The following NELL1 variants were observed in gnomAD, a reference collection of about 807,000 sequenced individuals.
NELL1 encodes the protein neural EGFL like 1, also known as protein kinase C-binding protein NELL1.
In NELL1, 76 loss-of-function variants were observed where a neutral mutation model predicts 107.4. The ratio of observed to expected loss-of-function variants is 0.71; its 90% CI spans 0.59 to 0.86. The LOEUF is 0.86. NELL1 is among the 40% of genes least tolerant of loss of function. NELL1 has a pLI of 0.00. For synonymous variants in NELL1, 353 were observed against 341.2 expected (o/e 1.03, Z -0.38); for missense variants, 1,024 against 1,005.5 (o/e 1.02, Z -0.25).
intron 2 of NELL1, among the ~76,000 whole-genome samples, chr11:20,762,658 A>G (rs1423714505): frequency 1.3e-5 from 2 of 152,204 alleles, no homozygotes; most frequent in Non-Finnish European, 2.9e-5. Context: ...GGTGAATAAG[A>G]GCGTAATTAA....
At chr11:20,707,196 T>C (rs1854986912) in intron 2 of NELL1, among the ~76,000 whole-genome samples, 1 of 152,230 alleles carries the variant, frequency 6.6e-6, no homozygotes, top group Non-Finnish European at 1.5e-5. Flanking sequence ...TCTCCTGCCA[T>C]GGTGTTCAGC....
intron 14 of NELL1, among the ~76,000 whole-genome samples, chr11:21,290,346 GT>G (rs1185436735): frequency 5.1e-4 from 77 of 151,576 alleles, no homozygotes; most frequent in Admixed American, 5.1e-3. Flanking sequence ...TCCAGCCTGG[GT>G]GACAGAGCAA....
At chr11:20,719,622 C>T (rs528214496) in intron 2 of NELL1, among the ~76,000 whole-genome samples, 87 of 152,312 alleles carry the variant, frequency 5.7e-4, no homozygotes, top group African/African-American at 1.8e-3. Flanking sequence ...TATGGTTTCA[C>T]TTTCTTGGGG....
intron 4 of NELL1, among the ~76,000 whole-genome samples, chr11:20,858,411 T>A (rs1462691547): frequency 6.6e-6 from 1 of 152,172 alleles, no homozygotes; most frequent in Admixed American, 6.5e-5. Context: ...CAGGGCAATA[T>A]GGATGATGAT....
At chr11:21,184,879 A>G (rs1856899977) in intron 13 of NELL1, among the ~76,000 whole-genome samples, 1 of 151,850 alleles carries the variant, frequency 6.6e-6, no homozygotes, top group South Asian at 2.1e-4. Flanking sequence ...CCTTCTAAAT[A>G]TAATATTAAA....
intron 19 of NELL1, among the ~76,000 whole-genome samples, chr11:21,574,354 C>A (rs151117336): frequency 6.6e-6 from 1 of 151,658 alleles, no homozygotes; most frequent in Admixed American, 6.6e-5. Flanking sequence ...CCCATCTGTA[C>A]CTTCAGTCCC....
At chr11:21,035,114 G>A (rs915225826) in intron 12 of NELL1, among the ~76,000 whole-genome samples, 3 of 151,658 alleles carry the variant, frequency 2.0e-5, no homozygotes, top group African/African-American at 7.3e-5. Context: ...TATATAAACT[G>A]GAAAATGTAG....
rs1337097776 is a variant in NELL1 at position 21,097,326 on chromosome 11, C to A, written c.1301-16263C>A. On this transcript the variant is annotated intron_variant, in intron 12 of 19. Coordinates refer to ENST00000357134, the MANE Select transcript of NELL1 (RefSeq NM_006157.5). ...CCAGCACTCAGGCAAAAGTTTAATTCTCTCAGCAAGGCAATGTATTTCTGC... is the reference window on the plus strand; with the variant it reads ...CCAGCACTCAGGCAAAAGTTTAATTATCTCAGCAAGGCAATGTATTTCTGC... Among the ~76,000 whole-genome samples the A allele has an allele frequency of 3.9e-5, 6 of 152,306 alleles. No homozygotes were observed. In the South Asian group the frequency reaches 1.2e-3, roughly 32 times the overall value.
chr11:21,573,188 G>A lies in NELL1; in HGVS notation c.2161G>A (p.Gly721Arg), dbSNP rs779365727. 6 of 1,610,972 alleles carry A rather than the reference G, an allele frequency of 3.7e-6. No homozygotes were observed. The highest frequency in any genetic ancestry group is 3.4e-6 in the Non-Finnish European group (4 of 1,178,014). The change falls in exon 19 of 20, where the codon GGA (glycine) becomes AGA (arginine). Residue 721 changes from glycine (G) to arginine (R), a missense_variant. Physicochemically the swap from Gly to Arg is moderately radical, Grantham distance 125. Coordinates refer to ENST00000357134, the MANE Select transcript of NELL1 (RefSeq NM_006157.5). ...ATTTTTTGCTTTTCCTCTACAGGAA[G>A]GAGAGGTAGATTGCTGGCCACTCAC... ...HSCQQCRCLEGEVDCWPLTCP... is the reference protein window; with the variant it reads ...HSCQQCRCLEREVDCWPLTCP...
intron 15 of NELL1, among the ~76,000 whole-genome samples, chr11:21,507,873 C>T (rs939082809): frequency 9.2e-5 from 14 of 151,624 alleles, no homozygotes; most frequent in South Asian, 6.2e-4. Context: ...CTCTACCTGC[C>T]GGGTTCCAGC....
chr11:21,332,619 C>T (rs1214518979), intron 14 of NELL1, among the ~76,000 whole-genome samples: 1 of 151,880 alleles, frequency 6.6e-6, no homozygotes, highest in Non-Finnish European at 1.5e-5. Context: ...AAGTGGAAGT[C>T]CTGTCTTTGA....
chr11:20,955,076 T>C (rs1016484104), intron 11 of NELL1, among the ~76,000 whole-genome samples: 2 of 152,186 alleles, frequency 1.3e-5, no homozygotes, highest in Admixed American at 6.5e-5. Context: ...AATTCAGACA[T>C]GGGAAGTGAA....
At chr11:20,807,859 C>T (rs1227897135) in intron 3 of NELL1, among the ~76,000 whole-genome samples, 1 of 152,214 alleles carries the variant, frequency 6.6e-6, no homozygotes, top group African/African-American at 2.4e-5. Flanking sequence ...TAGTGCCAGG[C>T]TACCACTGAT....
rs181682725 is a variant in NELL1 at position 21,563,379 on chromosome 11, G to A, written c.1980+2997G>A. Among the ~76,000 whole-genome samples the A allele has an allele frequency of 4.6e-5, 7 of 152,090 alleles. No homozygotes were observed. In the East Asian group the frequency reaches 1.4e-3, roughly 30 times the overall value. On this transcript the variant is annotated intron_variant, in intron 17 of 19. Coordinates refer to ENST00000357134, the MANE Select transcript of NELL1 (RefSeq NM_006157.5). ...GATCATGGAGATGAAGATGAAAATG[G>A]ATACACAAACAACTAACCACTTGTC...
chr11:21,100,331 T>C (rs1854774225), intron 12 of NELL1, among the ~76,000 whole-genome samples: 1 of 152,256 alleles, frequency 6.6e-6, no homozygotes, highest in South Asian at 2.1e-4. Context: ...ATTTTAGCCA[T>C]TTTAAGTGTA....
intron 14 of NELL1, among the ~76,000 whole-genome samples, chr11:21,361,979 A>G (rs1316261627): frequency 1.3e-5 from 2 of 152,130 alleles, no homozygotes; most frequent in African/African-American, 4.8e-5. Context: ...CAAATTCTTT[A>G]TCTAGCAATT....
intron 13 of NELL1, among the ~76,000 whole-genome samples, chr11:21,143,887 CA>C (rs1855919402): frequency 6.6e-6 from 1 of 152,060 alleles, no homozygotes; most frequent in South Asian, 2.1e-4. Context: ...CTTTATTAAC[CA>C]GGTAAAAGAA....
intron 15 of NELL1, among the ~76,000 whole-genome samples, chr11:21,506,405 A>G (rs908484148): frequency 2.0e-5 from 3 of 152,162 alleles, no homozygotes; most frequent in African/African-American, 7.2e-5. Flanking sequence ...TTTATGGCCT[A>G]ATTGGTCCCA....
chr11:21,071,247 G>T (rs961375212), intron 12 of NELL1, among the ~76,000 whole-genome samples: 1 of 152,244 alleles, frequency 6.6e-6, no homozygotes, highest in Non-Finnish European at 1.5e-5. Flanking sequence ...AGCCAGAATT[G>T]CATACTCTCT....
Sources: gnomAD v4.1 joint callset for allele counts (sites outside exome capture counted in the v4.1 genomes callset) on GRCh38, gnomAD v4.1.1 for gene constraint, MANE v1.5 for transcripts, NCBI Gene and HGNC (gene_info 2026-07-23, HGNC 2026-07-21) for gene names.